Variants in FSIP2 observed in about 807,000 individuals in gnomAD.
The protein encoded by FSIP2 is fibrous sheath interacting protein 2.
Under a neutral mutation model 510.5 loss-of-function variants are expected in FSIP2, and 367 were observed. That is an observed-to-expected ratio of 0.72 (90% CI 0.66 to 0.78). The LOEUF (loss-of-function observed/expected upper bound fraction) is 0.78. FSIP2 is among the 30% of genes least tolerant of loss of function. The pLI, the probability that FSIP2 is intolerant of heterozygous loss-of-function variation, is 0.00. For missense variants in FSIP2, 7,594 were observed against 7,901.7 expected (o/e 0.96, Z 1.48); for synonymous variants, 2,601 against 2,732.2 (o/e 0.95, Z 1.50).
At chr2:185,797,898 G>A (rs1024173056) in intron 16 of FSIP2, among the ~76,000 whole-genome samples, 2 of 151,644 alleles carry the variant, frequency 1.3e-5, no homozygotes, top group African/African-American at 2.4e-5. Context: ...GCTATGTTGC[G>A]CAGGCTGGTC....
Position 185,833,222 on chromosome 2 carries a change from A to T in FSIP2, c.20720A>T (p.His6907Leu). 6.2e-7 allele frequency: 1 copy of T among 1,605,350 alleles called. No homozygotes were observed. Among genetic ancestry groups the T allele is most frequent in the South Asian group, 1.1e-5 (1 of 89,720 alleles). ...RSSSPAHQDEH is the reference protein window; with the variant it reads ...RSSSPAHQDEL ...TCCTCACCAGCTCACCAGGATGAACACTGAAGCTTTTGTACCTGATATAAG... is the reference window on the plus strand; with the variant it reads ...TCCTCACCAGCTCACCAGGATGAACTCTGAAGCTTTTGTACCTGATATAAG... The change falls in exon 23 of 23, where the codon CAC (histidine) becomes CTC (leucine). Residue 6907 changes from histidine to leucine, a missense_variant. By Grantham distance (99) the His-to-Leu change is moderately conservative. Transcript: ENST00000424728.
chr2:185,832,645 G>A (rs1694129189), intron 22 of FSIP2, among the ~76,000 whole-genome samples: 1 of 151,624 alleles, frequency 6.6e-6, no homozygotes, highest in Admixed American at 6.6e-5. Flanking sequence ...GCCTCATGCT[G>A]AATAAGAGGT....
chr2:185,798,816 C>T (rs1033661242), intron 16 of FSIP2, among the ~76,000 whole-genome samples: 2 of 151,792 alleles, frequency 1.3e-5, no homozygotes, highest in Non-Finnish European at 2.9e-5. Context: ...ATTCTATATT[C>T]CTATTCTCAG....
chr2:185,804,813 G>T lies in FSIP2; in HGVS notation c.15507G>T (p.Glu5169Asp), dbSNP rs187881345. The part of the protein sequence containing the change: ...DEIIKEISEH[E>D]IRLSMAEDNA... ...TTATAAAAGAAATTTCTGAACATGA[G>T]ATTCGACTTTCCATGGCAGAGGATA... Residue 5169 changes from glutamate (E) to aspartate (D), a missense_variant, in exon 17 of 23, where the codon GAG becomes GAT. Coordinates refer to ENST00000424728, the MANE Select transcript of FSIP2 (RefSeq NM_173651.4). 52 of 1,532,806 alleles carry T rather than the reference G, an allele frequency of 3.4e-5. No individual in the cohort carries two copies. In the East Asian group the frequency reaches 1.2e-3, roughly 37 times the overall value. 95.0% of individuals were successfully genotyped at this position (1,532,806 alleles called of 1,614,324 possible).
In FSIP2 at chr2:185,793,819, A is replaced by C; in HGVS notation, c.6683A>C (p.Asn2228Thr). 1 of 1,532,792 alleles carries C rather than the reference A, an allele frequency of 6.5e-7. No individual in the cohort carries two copies. The highest frequency in any genetic ancestry group is 8.7e-7 in the Non-Finnish European group (1 of 1,145,334). The allele number at this position is 1,532,792 out of a possible 1,614,324, so 94.9% of individuals were successfully genotyped here. ...RNQKSAYADD[N>T]QITVVEKEDT... ...CAGAAATCAGCTTATGCTGATGATAATCAGATAACTGTAGTAGAGAAAGAA... is the reference window on the plus strand; with the variant it reads ...CAGAAATCAGCTTATGCTGATGATACTCAGATAACTGTAGTAGAGAAAGAA... Residue 2228 changes from asparagine to threonine, a missense_variant, in exon 16 of 23, where the codon AAT (asparagine) becomes ACT (threonine). Asn to Thr is a moderately conservative substitution (Grantham distance 65, BLOSUM62 0). Transcript: ENST00000424728.
chr2:185,772,909 G>A (rs992708654), intron 13 of FSIP2, among the ~76,000 whole-genome samples: 1 of 151,002 alleles, frequency 6.6e-6, no homozygotes, highest in Admixed American at 6.6e-5. Flanking sequence ...CACCCAGGCT[G>A]GAGTGCAGTG....
Position 185,807,531 on chromosome 2 carries a change from T to G in FSIP2, c.18225T>G (p.Ser6075=), listed in dbSNP as rs375182287. ...MTIQYVETLQ[S]DDDEIIQLVV... ...TACAGTATGTAGAAACCTTACAATC[T>G]GATGATGATGAAATTATTCAATTAG... Residue 6075 remains serine (S), a synonymous_variant, in exon 17 of 23, where the codon TCT becomes TCG. Coordinates refer to ENST00000424728, the MANE Select transcript of FSIP2 (RefSeq NM_173651.4). 1.2e-6 allele frequency: 2 copies of G among 1,610,822 alleles called. No individual in the cohort carries two copies. Among genetic ancestry groups the G allele is most frequent in the African/African-American group, 1.3e-5 (1 of 74,746 alleles).
At chr2:185,778,154 A>T (rs1692767900) in intron 13 of FSIP2, among the ~76,000 whole-genome samples, 1 of 151,992 alleles carries the variant, frequency 6.6e-6, no homozygotes, top group Admixed American at 6.6e-5. Flanking sequence ...ATTTATTTAG[A>T]TGAGATTGTT....
chr2:185,738,504 C>G, upstream of FSIP2: 6 of 1,126,374 alleles, frequency 5.3e-6, no homozygotes, highest in South Asian at 7.9e-5. Context: ...AAAACAATCA[C>G]TCGGGAATTT....
At position 185,761,298 on chromosome 2, in the gene FSIP2, A is replaced by G. The variant is rs78452491; in HGVS notation, c.1194+195A>G. 9.8e-3 allele frequency among the ~76,000 whole-genome samples: 1,476 copies of G among 151,308 alleles called. 13 individuals carry two copies. Among genetic ancestry groups the G allele is most frequent in the Non-Finnish European group, 0.016 (1,094 of 67,342 alleles). On this transcript the variant is annotated intron_variant, in intron 10 of 22. Coordinates refer to ENST00000424728, the MANE Select transcript of FSIP2 (RefSeq NM_173651.4). The stretch of plus-strand genomic sequence containing the variant: ...TTGTGCTAAACACACTACGGATTTT[A>G]GCAGAAAATAACCCAAACAAACATT...
At chr2:185,827,946 C>T (rs1392377916) in intron 20 of FSIP2, among the ~76,000 whole-genome samples, 1 of 151,822 alleles carries the variant, frequency 6.6e-6, no homozygotes, top group East Asian at 1.9e-4. Context: ...AAATTTCTAA[C>T]TGAAGGGCTA....
At chr2:185,817,430 G>C (rs1693845582) in intron 19 of FSIP2, among the ~76,000 whole-genome samples, 1 of 152,092 alleles carries the variant, frequency 6.6e-6, no homozygotes, top group South Asian at 2.1e-4. Context: ...TGAAGAAGGA[G>C]CAGGAAGTGA....
intron 2 of FSIP2, among the ~76,000 whole-genome samples, chr2:185,742,413 T>G (rs1691940558): frequency 6.6e-6 from 1 of 152,198 alleles, no homozygotes; most frequent in Non-Finnish European, 1.5e-5. Context: ...TTCCTCCTTT[T>G]ATATGTTAAT....
chr2:185,768,091 G>C (rs1692531717), intron 13 of FSIP2, among the ~76,000 whole-genome samples: 1 of 151,860 alleles, frequency 6.6e-6, no homozygotes, highest in Admixed American at 6.6e-5. Flanking sequence ...ATATCATTAT[G>C]GTTTTGATTG....
chr2:185,756,331 A>G (rs543681247), intron 9 of FSIP2, 53 bp downstream of exon 9: 1 of 641,146 alleles, frequency 1.6e-6, no homozygotes, highest in South Asian at 3.1e-5. Context: ...AATTTGGGGG[A>G]AAGACAGTTT....
chr2:185,755,911 G>A (rs548822267), intron 8 of FSIP2, among the ~76,000 whole-genome samples: 1 of 151,652 alleles, frequency 6.6e-6, no homozygotes, highest in African/African-American at 2.4e-5. Context: ...CACCCAGATG[G>A]AAAATGACAT....
chr2:185,805,914 A>G lies in FSIP2; in HGVS notation c.16608A>G (p.Val5536=), dbSNP rs763280523. The G allele has an allele frequency of 1.9e-6, 3 of 1,598,226 alleles. No individual in the cohort carries two copies. Among genetic ancestry groups the G allele is most frequent in the East Asian group, 4.5e-5 (2 of 44,746 alleles). Residue 5536 remains valine, a synonymous_variant, in exon 17 of 23, where the codon GTA becomes GTG. Transcript: ENST00000424728. ...GICTQKHSEN[V]SKVTSTTTVK... is the part of the protein sequence containing the mutation. Reference sequence around the variant, plus strand: ...GTACTCAAAAACATAGTGAGAATGTATCAAAAGTTACTTCAACTACCACTG... The same window carrying G: ...GTACTCAAAAACATAGTGAGAATGTGTCAAAAGTTACTTCAACTACCACTG...
In FSIP2 at chr2:185,793,223, T is replaced by C. The variant is rs755855847; in HGVS notation, c.6087T>C (p.His2029=). ...DKERENPFLT[H]DIGISESIAS... ...AAAGGGAAAATCCTTTTTTAACTCA[T>C]GACATTGGGATTTCTGAAAGTATTG... The change falls in exon 16 of 23, where the codon CAT becomes CAC. Residue 2029 remains histidine (H), a synonymous_variant. Transcript: ENST00000424728. The C allele has an allele frequency of 1.5e-5, 23 of 1,533,904 alleles. No individual in the cohort carries two copies. Among genetic ancestry groups the C allele is most frequent in the African/African-American group, 6.9e-5 (5 of 72,850 alleles).
intron 15 of FSIP2, among the ~76,000 whole-genome samples, chr2:185,786,749 G>C (rs556642497): frequency 1.3e-5 from 2 of 151,810 alleles, no homozygotes; most frequent in Admixed American, 1.3e-4. Context: ...AGATAAGATC[G>C]TGTATTTTTA....
Sources: gnomAD v4.1 joint callset for allele counts (sites outside exome capture counted in the v4.1 genomes callset) on GRCh38, gnomAD v4.1.1 for gene constraint, MANE v1.5 for transcripts, NCBI Gene and HGNC (gene_info 2026-07-23, HGNC 2026-07-21) for gene names.